TTLL5: variants seen among roughly 807,000 people sequenced by gnomAD.
TTLL5 encodes tubulin tyrosine ligase like 5.
A neutral mutation model predicts 168.4 loss-of-function variants in TTLL5; 132 were observed. That is an observed-to-expected ratio of 0.78 (90% CI 0.68 to 0.91). The LOEUF is 0.91. Among genes scored for constraint, TTLL5 ranks in the 40% least tolerant of loss-of-function variants. The pLI is 0.00. For missense variants in TTLL5, 1,545 were observed against 1,581.5 expected (o/e 0.98, Z 0.39); for synonymous variants, 546 against 558.6 (o/e 0.98, Z 0.32).
chr14:75,857,277 T>C (rs1205451188), intron 28 of TTLL5, among the ~76,000 whole-genome samples: 1 of 152,274 alleles, frequency 6.6e-6, no homozygotes. Flanking sequence ...CTTAATGTGG[T>C]GAATTATATG....
chr14:75,788,810 T>G (rs894495247), intron 26 of TTLL5, among the ~76,000 whole-genome samples: 33 of 152,146 alleles, frequency 2.2e-4, no homozygotes, highest in Non-Finnish European at 1.2e-4. Context: ...AAAGGAAAAT[T>G]ACAGACTGGC....
intron 29 of TTLL5, among the ~76,000 whole-genome samples, chr14:75,872,410 T>A (rs935491346): frequency 1.3e-5 from 2 of 152,186 alleles, no homozygotes; most frequent in Non-Finnish European, 2.9e-5. Context: ...GGCAGCATAG[T>A]ATAGTGAGGT....
intron 27 of TTLL5, among the ~76,000 whole-genome samples, chr14:75,799,647 G>A (rs1893177827): frequency 6.6e-6 from 1 of 152,134 alleles, no homozygotes; most frequent in Non-Finnish European, 1.5e-5. Flanking sequence ...TTAGCAGTTT[G>A]TGTAGTGCTG....
chr14:75,745,606 A>G, intron 17 of TTLL5, 25 bp downstream of exon 17: 2 of 1,545,374 alleles, frequency 1.3e-6, no homozygotes, highest in Non-Finnish European at 1.8e-6. Context: ...TTTTTTTTTT[A>G]TTCTTTACCT....
intron 10 of TTLL5, among the ~76,000 whole-genome samples, chr14:75,719,374 A>G (rs1268097763): frequency 6.6e-6 from 1 of 152,226 alleles, no homozygotes; most frequent in African/African-American, 2.4e-5. Flanking sequence ...CTCAGGTGAC[A>G]TTCACCTCAA....
chr14:75,769,196 G>A (rs1891132900), intron 20 of TTLL5, among the ~76,000 whole-genome samples: 1 of 152,122 alleles, frequency 6.6e-6, no homozygotes, highest in African/African-American at 2.4e-5. Flanking sequence ...TAAAATTGCA[G>A]GCTGCGTTAG....
rs575821660 is a variant in TTLL5 at position 75,802,769 on chromosome 14, A to G, written c.3171+9669A>G. On this transcript the variant is annotated intron_variant, in intron 27 of 31. Transcript: ENST00000298832. Reference sequence around the variant, plus strand: ...AATAGTAACATGGAATATGCATGACAGAGATAGTCTGAGGGAATAACAACC... The same window carrying G: ...AATAGTAACATGGAATATGCATGACGGAGATAGTCTGAGGGAATAACAACC... 4.6e-5 allele frequency among the ~76,000 whole-genome samples: 7 copies of G among 152,366 alleles called. No individual in the cohort carries two copies. In the South Asian group the frequency reaches 1.0e-3, roughly 23 times the overall value.
chr14:75,951,749 G>T (rs2034968217), intron 31 of TTLL5, among the ~76,000 whole-genome samples: 1 of 152,196 alleles, frequency 6.6e-6, no homozygotes, highest in African/African-American at 2.4e-5. Context: ...CGGCGACAGA[G>T]CGAAACCCTG....
chr14:75,750,127 C>T (rs570133051), intron 17 of TTLL5, among the ~76,000 whole-genome samples: 3 of 152,102 alleles, frequency 2.0e-5, no homozygotes, highest in Admixed American at 2.0e-4. Flanking sequence ...ATATTCTGAT[C>T]TAGATCTACT....
chr14:75,767,547 A>G (rs1891038914), intron 20 of TTLL5, among the ~76,000 whole-genome samples: 1 of 152,238 alleles, frequency 6.6e-6, no homozygotes. Context: ...AAAAGCCCAG[A>G]CATCGTAATG....
intron 29 of TTLL5, among the ~76,000 whole-genome samples, chr14:75,870,797 GTT>G (rs551516323): frequency 5.0e-5 from 7 of 138,944 alleles, no homozygotes; most frequent in Admixed American, 7.3e-5. Context: ...GCTTGCTTTG[GTT>G]TTTTTTTTTT....
chr14:75,773,957 A>AGAGAAAAAGAGAAAAAG (rs1891536422), intron 21 of TTLL5, among the ~76,000 whole-genome samples: 1 of 43,384 alleles, frequency 2.3e-5, no homozygotes, highest in African/African-American at 8.1e-5. Context: ...GAGAGAGAGA[A>AGAGAAAAAGAGAAAAAG]AGAGAGAGAG....
chr14:75,669,406 G>A lies in TTLL5; in HGVS notation c.75-10G>A, dbSNP rs746853498. 3 of 1,605,502 alleles carry A rather than the reference G, an allele frequency of 1.9e-6. No individual in the cohort carries two copies. The Admixed American group carries it at 5.1e-5, about 27-fold the overall frequency. On this transcript the variant is annotated splice_polypyrimidine_tract_variant and intron_variant, in intron 2 of 31. Transcript: ENST00000298832. ...GCTGTAAATTAATGAAGGCTTTTTT[G>A]TCGTTATAGGGATCATCCATGCATC...
chr14:75,761,654 T>TA (rs1466185589), intron 18 of TTLL5, among the ~76,000 whole-genome samples: 1 of 152,216 alleles, frequency 6.6e-6, no homozygotes, highest in Non-Finnish European at 1.5e-5. Context: ...ATGAAAAATT[T>TA]ACAACAGTGA....
chr14:75,699,382 T>G, intron 7 of TTLL5, 112 bp downstream of exon 7: 1 of 955,198 alleles, frequency 1.0e-6, no homozygotes, highest in South Asian at 1.5e-5. Flanking sequence ...GTGCTCTTCT[T>G]AAATCTGCAT....
intron 12 of TTLL5, among the ~76,000 whole-genome samples, chr14:75,721,381 T>C (rs1887826480): frequency 6.6e-6 from 1 of 152,164 alleles, no homozygotes; most frequent in Admixed American, 6.5e-5. Context: ...TGATTGCCCA[T>C]GTGAATGTGT....
At chr14:75,904,314 C>G in intron 31 of TTLL5, 1 of 962,090 alleles carries the variant, frequency 1.0e-6, no homozygotes, top group Non-Finnish European at 1.3e-6. Flanking sequence ...AGTAATGGCA[C>G]AAGGGAATCA....
chr14:75,903,364 G>C (rs562426615), intron 31 of TTLL5, among the ~76,000 whole-genome samples: 15 of 152,166 alleles, frequency 9.9e-5, no homozygotes, highest in Non-Finnish European at 1.5e-4. Flanking sequence ...CAAAGACCGG[G>C]GGGAAGTGAA....
chr14:75,777,365 A>T (rs1891775201), intron 23 of TTLL5, among the ~76,000 whole-genome samples: 1 of 152,182 alleles, frequency 6.6e-6, no homozygotes, highest in African/African-American at 2.4e-5. Flanking sequence ...GCCTACATTG[A>T]GTAGGCTGAG....
Sources: gnomAD v4.1 joint callset for allele counts (sites outside exome capture counted in the v4.1 genomes callset) on GRCh38, gnomAD v4.1.1 for gene constraint, MANE v1.5 for transcripts, NCBI Gene and HGNC (gene_info 2026-07-23, HGNC 2026-07-21) for gene names.